ACYP2: variants seen among roughly 807,000 people sequenced by gnomAD.
ACYP2 encodes the protein acylphosphatase 2, also known as acylphosphatase-2.
A neutral mutation model predicts 11.2 loss-of-function variants in ACYP2; 12 were observed. The ratio of observed to expected loss-of-function variants is 1.08; its 90% CI spans 0.69 to 1.74. ACYP2 has a LOEUF of 1.74. Among genes scored for constraint, ACYP2 ranks in the 40% most tolerant of loss-of-function variants. ACYP2 has a pLI of 0.00. For missense variants in ACYP2, 134 were observed against 101.9 expected (o/e 1.31, Z -1.35); for synonymous variants, 43 against 32.2 (o/e 1.33, Z -1.13).
intron 6 of ACYP2, among the ~76,000 whole-genome samples, chr2:54,258,923 C>T (rs146552044): frequency 5.9e-5 from 9 of 152,300 alleles, no homozygotes; most frequent in African/African-American, 2.2e-4. Context: ...CAAGCAAGCA[C>T]CTGGGAAAGA....
chr2:54,179,690 A>T (rs754300724), intron 6 of ACYP2, among the ~76,000 whole-genome samples: 3 of 151,862 alleles, frequency 2.0e-5, no homozygotes, highest in Non-Finnish European at 4.4e-5. Flanking sequence ...ACCAGAGGTC[A>T]CTCTCATCAC....
chr2:54,270,867 C>T (rs1688266274), intron 6 of ACYP2, among the ~76,000 whole-genome samples: 1 of 152,128 alleles, frequency 6.6e-6, no homozygotes, highest in African/African-American at 2.4e-5. Context: ...TAAATAACTT[C>T]ACTTGGTGAA....
chr2:54,298,159 A>G (rs1362522654), intron 6 of ACYP2, among the ~76,000 whole-genome samples: 2 of 152,240 alleles, frequency 1.3e-5, no homozygotes, highest in Non-Finnish European at 2.9e-5. Context: ...AAATATATCA[A>G]TGGTGCCAAA....
chr2:54,155,155 T>C (rs1286573289), intron 6 of ACYP2, among the ~76,000 whole-genome samples: 2 of 152,174 alleles, frequency 1.3e-5, no homozygotes, highest in African/African-American at 4.8e-5. Flanking sequence ...CTTTTATTTC[T>C]CATTTTATTT....
At chr2:54,081,438 G>A (rs920546586) in intron 4 of ACYP2, among the ~76,000 whole-genome samples, 2 of 152,062 alleles carry the variant, frequency 1.3e-5, no homozygotes, top group Admixed American at 1.3e-4. Flanking sequence ...TCTATGTTTA[G>A]ATATATTTAG....
intron 6 of ACYP2, among the ~76,000 whole-genome samples, chr2:54,228,267 A>C (rs1453983278): frequency 2.6e-5 from 4 of 152,238 alleles, no homozygotes; most frequent in Non-Finnish European, 5.9e-5. Context: ...AAAGGTCTAA[A>C]GATAGTAGTG....
At chr2:53,998,314 G>A (rs531833779) in intron 2 of ACYP2, among the ~76,000 whole-genome samples, 17 of 152,328 alleles carry the variant, frequency 1.1e-4, no homozygotes, top group Non-Finnish European at 2.4e-4. Context: ...TCCCAGAAAT[G>A]TATCAGTGAA....
At chr2:53,990,428 C>T (rs1412512744) in intron 2 of ACYP2, among the ~76,000 whole-genome samples, 2 of 151,966 alleles carry the variant, frequency 1.3e-5, no homozygotes, top group African/African-American at 2.4e-5. Context: ...GCAGGTGGAT[C>T]ACCTGAGGTC....
At chr2:54,150,743 T>C (rs4671890) in intron 6 of ACYP2, among the ~76,000 whole-genome samples, 1,805 of 61,030 alleles carry the variant, frequency 0.03, 20 homozygotes, top group East Asian at 0.045. Flanking sequence ...TTCTTTCTTT[T>C]TTTTTTTTTT....
chr2:54,197,406 C>T (rs558394050), intron 6 of ACYP2, among the ~76,000 whole-genome samples: 32 of 152,328 alleles, frequency 2.1e-4, no homozygotes, highest in African/African-American at 7.2e-4. Context: ...AACCCCCTTT[C>T]CCTTTACCTA....
intron 4 of ACYP2, among the ~76,000 whole-genome samples, chr2:54,103,225 C>G (rs563716373): frequency 2.4e-4 from 36 of 152,318 alleles, no homozygotes; most frequent in African/African-American, 8.2e-4. Flanking sequence ...AGTTTTCTAT[C>G]AAAAGTTGGG....
chr2:54,135,529 A>AGTG, intron 5 of ACYP2, 60 bp downstream of exon 2: 1 of 1,496,484 alleles, frequency 6.7e-7, no homozygotes, highest in Non-Finnish European at 9.2e-7. Context: ...TCCCAATTAC[A>AGTG]GAGATAGGGC....
intron 1 of ACYP2, among the ~76,000 whole-genome samples, chr2:53,972,039 G>A (rs1470768102): frequency 1.3e-5 from 2 of 152,266 alleles, no homozygotes; most frequent in African/African-American, 4.8e-5. Context: ...GCCGGGCGCA[G>A]TGGCTCACGC....
At chr2:54,268,493 A>G (rs1688134769) in intron 6 of ACYP2, among the ~76,000 whole-genome samples, 1 of 152,042 alleles carries the variant, frequency 6.6e-6, no homozygotes, top group South Asian at 2.1e-4. Context: ...ATAGTGATCT[A>G]CCCAATGTAT....
At chr2:54,201,604 C>CTTTCTTTCTCTTTCTT (rs1684780389) in intron 6 of ACYP2, among the ~76,000 whole-genome samples, 50 of 83,976 alleles carry the variant, frequency 6.0e-4, no homozygotes, top group African/African-American at 2.0e-3. Flanking sequence ...CTCTTTCTTT[C>CTTTCTTTCTCTTTCTT]TTTCTTTCTT....
intron 4 of ACYP2, among the ~76,000 whole-genome samples, chr2:54,117,828 G>C (rs1558541242): frequency 6.6e-6 from 1 of 152,038 alleles, no homozygotes; most frequent in Admixed American, 6.5e-5. Flanking sequence ...ACATGAATAA[G>C]TTCATTACTG....
intron 6 of ACYP2, among the ~76,000 whole-genome samples, chr2:54,246,353 TGA>T (rs1342502827): frequency 6.6e-6 from 1 of 152,212 alleles, no homozygotes; most frequent in African/African-American, 2.4e-5. Flanking sequence ...TTTATGAGGT[TGA>T]GTCTTCCTAT....
chr2:54,250,286 G>C (rs148183594), intron 6 of ACYP2, among the ~76,000 whole-genome samples: 4,004 of 152,226 alleles, frequency 0.026, 66 homozygotes, highest in Non-Finnish European at 0.042. Flanking sequence ...AGACCAGCGT[G>C]GCCAGCATGG....
intron 4 of ACYP2, among the ~76,000 whole-genome samples, chr2:54,067,902 C>G (rs1676824293): frequency 1.3e-5 from 2 of 152,156 alleles, no homozygotes; most frequent in Admixed American, 6.6e-5. Flanking sequence ...AGCCTAAATG[C>G]TTTGGTTATC....
Sources: allele counts gnomAD v4.1 joint callset (sites outside exome capture counted in the v4.1 genomes callset), GRCh38; gene constraint gnomAD v4.1.1; transcripts MANE v1.5; gene names NCBI Gene and HGNC (gene_info 2026-07-23, HGNC 2026-07-21).